The following GRID2 variants were observed in gnomAD, a reference collection of about 807,000 sequenced individuals.
GRID2 encodes the protein glutamate ionotropic receptor delta type subunit 2, also known as glutamate receptor ionotropic, delta-2.
In GRID2, 33 loss-of-function variants were observed where a neutral mutation model predicts 114.8. The observed-to-expected ratio is 0.29, with a 90% confidence interval of 0.22 to 0.38. The LOEUF (loss-of-function observed/expected upper bound fraction) is 0.38. Ranked by LOEUF, GRID2 falls within the 10% of genes least tolerant of loss-of-function variation. The probability of loss-of-function intolerance (pLI) is 1.00; values close to 1 mark genes in which losing one functional copy is unlikely to be tolerated. For missense variants in GRID2, 1,184 were observed against 1,257.7 expected, an observed-to-expected ratio of 0.94 and a Z score of 0.89; for synonymous variants, 505 against 449.9, an observed-to-expected ratio of 1.12 and a Z score of -1.55.
chr4:92,740,690 TGATA>T (rs71579576), intron 2 of GRID2, among the ~76,000 whole-genome samples: 32,877 of 120,736 alleles, frequency 0.27, 3,834 homozygotes, highest in Middle Eastern at 0.33. Flanking sequence ...GATAGATAGA[TGATA>T]GATAGATAGA....
chr4:93,549,124 T>TC (rs1237949079), intron 13 of GRID2, among the ~76,000 whole-genome samples: 4 of 152,176 alleles, frequency 2.6e-5, no homozygotes, highest in African/African-American at 9.6e-5. Context: ...TTTTTTTCTC[T>TC]CTCGATCAAA....
At position 92,939,786 on chromosome 4, in the gene GRID2, C is replaced by G. The variant is rs1750958009; in HGVS notation, c.245-145209C>G. ...TCCAGTTTCAGCTTTCTACATATGG[C>G]TAGCCAGTTTTCCCAGCACCATTAA... is the stretch of plus-strand genomic sequence containing the variant. On this transcript the variant is annotated intron_variant, in intron 2 of 15. Coordinates refer to ENST00000282020, the MANE Select transcript of GRID2 (RefSeq NM_001510.4). Among the ~76,000 whole-genome samples the G allele has an allele frequency of 1.4e-5, 2 of 147,348 alleles. 1 individual carries two copies. The highest frequency in any genetic ancestry group is 4.5e-4 in the South Asian group (2 of 4,398).
intron 2 of GRID2, among the ~76,000 whole-genome samples, chr4:92,895,720 A>G (rs1235756860): frequency 6.6e-6 from 1 of 152,008 alleles, no homozygotes; most frequent in Non-Finnish European, 1.5e-5. Flanking sequence ...CTACTGTGCC[A>G]GACATTATAC....
At chr4:93,156,519 T>C (rs949684948) in intron 4 of GRID2, among the ~76,000 whole-genome samples, 1 of 151,740 alleles carries the variant, frequency 6.6e-6, no homozygotes. Flanking sequence ...GCCCTTTAGA[T>C]GTAGTGTTGA....
intron 2 of GRID2, among the ~76,000 whole-genome samples, chr4:92,673,347 C>T (rs898085293): frequency 6.6e-6 from 1 of 152,180 alleles, no homozygotes; most frequent in African/African-American, 2.4e-5. Flanking sequence ...TGGACATCCA[C>T]TTCATTTCTA....
chr4:92,587,088 T>A (rs562379252), intron 1 of GRID2, among the ~76,000 whole-genome samples: 103 of 141,948 alleles, frequency 7.3e-4, no homozygotes, highest in African/African-American at 2.7e-3. Context: ...TAGAGAGTAC[T>A]GATGAAATGC....
Position 92,769,633 on chromosome 4 carries a change from C to A in GRID2, c.244+179347C>A, listed in dbSNP as rs141480523. On this transcript the variant is annotated intron_variant, in intron 2 of 15. Coordinates refer to ENST00000282020, the MANE Select transcript of GRID2 (RefSeq NM_001510.4). The stretch of plus-strand genomic sequence containing the variant: ...GAAATCTAGGTGGAGGTTCTCAAAC[C>A]TCAAGTCTTGACTTCTGTGCACCTG... Among the ~76,000 whole-genome samples, 1,388 of 152,284 alleles carry A rather than the reference C, an allele frequency of 9.1e-3. 16 individuals are homozygous for A. The highest frequency in any genetic ancestry group is 0.032 in the African/African-American group (1,322 of 41,568).
intron 1 of GRID2, among the ~76,000 whole-genome samples, chr4:92,526,239 T>C (rs1374072655): frequency 1.3e-5 from 2 of 152,130 alleles, no homozygotes; most frequent in African/African-American, 2.4e-5. Context: ...CCCAGTGCTA[T>C]AATGATAGTA....
At chr4:92,927,191 T>G (rs2149515211) in intron 2 of GRID2, among the ~76,000 whole-genome samples, 1 of 151,996 alleles carries the variant, frequency 6.6e-6, no homozygotes, top group South Asian at 2.1e-4. Context: ...ACTAAAGCAA[T>G]TATTTTCTAC....
chr4:93,312,553 A>G (rs1402421234), intron 8 of GRID2, among the ~76,000 whole-genome samples: 2 of 152,212 alleles, frequency 1.3e-5, no homozygotes, highest in Non-Finnish European at 2.9e-5. Context: ...AGTTGAGGGT[A>G]GGGAAGTAAA....
At chr4:92,612,636 T>G (rs1729811871) in intron 2 of GRID2, among the ~76,000 whole-genome samples, 1 of 151,518 alleles carries the variant, frequency 6.6e-6, no homozygotes, top group East Asian at 1.9e-4. Flanking sequence ...GCAGAAAGAT[T>G]TTTTTGGCTT....
At chr4:92,979,479 G>C (rs1754063265) in intron 2 of GRID2, among the ~76,000 whole-genome samples, 1 of 152,018 alleles carries the variant, frequency 6.6e-6, no homozygotes, top group Non-Finnish European at 1.5e-5. Context: ...TCAGGCCTAT[G>C]AATAAAATTC....
At chr4:92,575,587 AT>A (rs535208447) in intron 1 of GRID2, among the ~76,000 whole-genome samples, 1 of 151,958 alleles carries the variant, frequency 6.6e-6, no homozygotes, top group Admixed American at 6.6e-5. Context: ...TAGTCACCTC[AT>A]TTTTTCCCAA....
chr4:93,217,845 G>T (rs1744416230), intron 6 of GRID2, among the ~76,000 whole-genome samples: 2 of 152,094 alleles, frequency 1.3e-5, no homozygotes, highest in African/African-American at 4.8e-5. Context: ...AAATATTAAA[G>T]TCATGGCCAA....
intron 2 of GRID2, among the ~76,000 whole-genome samples, chr4:92,821,643 A>G (rs1741289906): frequency 6.6e-6 from 1 of 152,148 alleles, no homozygotes; most frequent in Non-Finnish European, 1.5e-5. Flanking sequence ...TTCTACTGTG[A>G]TCAACTTACA....
chr4:93,183,566 T>C (rs1490951526), intron 4 of GRID2, among the ~76,000 whole-genome samples: 1 of 152,178 alleles, frequency 6.6e-6, no homozygotes, highest in African/African-American at 2.4e-5. Context: ...AACTACTTAG[T>C]AAGTGCCCAC....
At chr4:93,091,436 T>G (rs1730782293) in intron 3 of GRID2, among the ~76,000 whole-genome samples, 1 of 152,160 alleles carries the variant, frequency 6.6e-6, no homozygotes, top group Non-Finnish European at 1.5e-5. Flanking sequence ...TATCCTAGTT[T>G]GGATGTTCTG....
rs1166044188 is a variant in GRID2, at chr4:92,774,577, CTTTTTT to C, written c.244+184309_244+184314del. Among the ~76,000 whole-genome samples, 6 of 106,378 alleles carry C rather than the reference CTTTTTT, an allele frequency of 5.6e-5. No individual in the cohort carries two copies. The South Asian group carries it at 1.3e-3, about 23-fold the overall frequency. 69.8% of individuals were successfully genotyped at this position (106,378 alleles called of 152,430 possible). A position where few individuals can be genotyped will look rare whatever the true frequency, so the allele number is the denominator to read the frequency against. On this transcript the variant is annotated intron_variant, in intron 2 of 15. Coordinates refer to ENST00000282020, the MANE Select transcript of GRID2 (RefSeq NM_001510.4). ...TAATTTCTTCCAGAATTTTTCTTTCCTTTTTTTTTTTTTTTTTTTTTTTGAGACAGT... is the reference window on the plus strand; with the variant it reads ...TAATTTCTTCCAGAATTTTTCTTTCCTTTTTTTTTTTTTTTTTGAGACAGT...
At chr4:93,254,584 T>G (rs1207460608) in intron 8 of GRID2, among the ~76,000 whole-genome samples, 1 of 152,120 alleles carries the variant, frequency 6.6e-6, no homozygotes, top group East Asian at 1.9e-4. Context: ...TTCTTTTGAT[T>G]CTTTCAAGGT....
Sources: gnomAD v4.1 joint callset for allele counts (sites outside exome capture counted in the v4.1 genomes callset) on GRCh38, gnomAD v4.1.1 for gene constraint, MANE v1.5 for transcripts, NCBI Gene and HGNC (gene_info 2026-07-23, HGNC 2026-07-21) for gene names.